Variants in PPP1R14C observed in about 807,000 individuals in gnomAD.
PPP1R14C encodes protein phosphatase 1 regulatory subunit 14C.
In PPP1R14C, 16 loss-of-function variants were observed where a neutral mutation model predicts 20.4. That is an observed-to-expected ratio of 0.78 (90% CI 0.53 to 1.19). The LOEUF is 1.19. Ranked by LOEUF, PPP1R14C falls within the 50% of genes most tolerant of loss-of-function variation. The pLI, the probability that PPP1R14C is intolerant of heterozygous loss-of-function variation, is 0.00. For missense variants in PPP1R14C, 211 were observed against 220.1 expected, an observed-to-expected ratio of 0.96 and a Z score of 0.26; for synonymous variants, 91 against 91.0, an observed-to-expected ratio of 1.00 and a Z score of 0.00.
chr6:150,153,057 G>A (rs1167131186), intron 1 of PPP1R14C, among the ~76,000 whole-genome samples: 1 of 152,204 alleles, frequency 6.6e-6, no homozygotes, highest in Non-Finnish European at 1.5e-5. Context: ...GATGGAAGAC[G>A]GCCACCTGTA....
chr6:150,147,687 T>C (rs183086325), intron 1 of PPP1R14C, among the ~76,000 whole-genome samples: 3 of 152,366 alleles, frequency 2.0e-5, no homozygotes, highest in African/African-American at 7.2e-5. Flanking sequence ...CGTAGCATCC[T>C]AGCCATAAAC....
At chr6:150,175,859 A>C (rs1419562860) in intron 1 of PPP1R14C, among the ~76,000 whole-genome samples, 1 of 152,180 alleles carries the variant, frequency 6.6e-6, no homozygotes, top group Non-Finnish European at 1.5e-5. Context: ...TGCAGTTTGA[A>C]CCACAAGCGC....
At chr6:150,152,459 C>T (rs182511936) in intron 1 of PPP1R14C, among the ~76,000 whole-genome samples, 5 of 152,324 alleles carry the variant, frequency 3.3e-5, no homozygotes, top group African/African-American at 1.2e-4. Flanking sequence ...GTGACCAGGG[C>T]TCAGGGGTTT....
At chr6:150,147,148 C>G (rs1346396264) in intron 1 of PPP1R14C, among the ~76,000 whole-genome samples, 1 of 132,934 alleles carries the variant, frequency 7.5e-6, no homozygotes, top group South Asian at 2.4e-4. Flanking sequence ...TTTTTAATCT[C>G]TTCCAAACCC....
At chr6:150,243,055 C>A (rs959632783) in intron 3 of PPP1R14C, among the ~76,000 whole-genome samples, 1 of 152,092 alleles carries the variant, frequency 6.6e-6, no homozygotes, top group African/African-American at 2.4e-5. Flanking sequence ...TAAATCATGT[C>A]CATGGGTGAG....
At chr6:150,145,517 A>G (rs1183878447) in intron 1 of PPP1R14C, among the ~76,000 whole-genome samples, 1 of 152,186 alleles carries the variant, frequency 6.6e-6, no homozygotes, top group Non-Finnish European at 1.5e-5. Flanking sequence ...TCCATTTAAT[A>G]ATAAAGAAAC....
At chr6:150,149,443 AT>A (rs1216146263) in intron 1 of PPP1R14C, among the ~76,000 whole-genome samples, 127 of 119,920 alleles carry the variant, frequency 1.1e-3, no homozygotes, top group Non-Finnish European at 1.6e-3. Context: ...CTCCCACCTA[AT>A]TTTTTTTTTT....
At chr6:150,194,674 T>C (rs1777782137) in intron 1 of PPP1R14C, 1 of 985,304 alleles carries the variant, frequency 1.0e-6, no homozygotes, top group Non-Finnish European at 1.2e-6. Context: ...GCACAAACAG[T>C]TCTGTCCTTG....
At chr6:150,227,132 C>T (rs762411100) in intron 3 of PPP1R14C, among the ~76,000 whole-genome samples, 5 of 152,192 alleles carry the variant, frequency 3.3e-5, no homozygotes, top group Non-Finnish European at 5.9e-5. Context: ...CATGGAAGTA[C>T]ATTCCTTCTG....
At chr6:150,225,236 G>T (rs553669639) in intron 3 of PPP1R14C, among the ~76,000 whole-genome samples, 1 of 152,162 alleles carries the variant, frequency 6.6e-6, no homozygotes, top group South Asian at 2.1e-4. Flanking sequence ...CGTCCTGCTG[G>T]AAGTTCAGGG....
At chr6:150,154,107 G>A (rs1777279573) in intron 1 of PPP1R14C, among the ~76,000 whole-genome samples, 2 of 152,214 alleles carry the variant, frequency 1.3e-5, no homozygotes, top group South Asian at 4.1e-4. Context: ...CATAGTGGCT[G>A]CATATTTCTT....
At chr6:150,238,970 G>A (rs984744501) in intron 3 of PPP1R14C, among the ~76,000 whole-genome samples, 17 of 151,960 alleles carry the variant, frequency 1.1e-4, no homozygotes, top group African/African-American at 3.1e-4. Context: ...GCGGTCGAGC[G>A]TAAGCAGTGT....
At chr6:150,247,224 C>A (rs532898297) in intron 3 of PPP1R14C, among the ~76,000 whole-genome samples, 6 of 152,284 alleles carry the variant, frequency 3.9e-5, no homozygotes, top group African/African-American at 1.2e-4. Context: ...GCTCCATGGA[C>A]AGCAAAGTTC....
chr6:150,185,660 C>T lies in PPP1R14C; in HGVS notation c.307-29084C>T, dbSNP rs1777668551. On this transcript the variant is annotated intron_variant, in intron 1 of 3. Transcript: ENST00000361131. The surrounding 1 kb of genome is among the most constrained non-coding windows in gnomAD (Gnocchi z 4.1). ...GGAAGCTGATGATCATTTATTATTC[C>T]AGCAAGCAGTGACAAATCAGCTCTG... is the stretch of plus-strand genomic sequence containing the variant. Among the ~76,000 whole-genome samples, 1 of 152,060 alleles carries T rather than the reference C, an allele frequency of 6.6e-6. No individual in the cohort carries two copies. The highest frequency in any genetic ancestry group is 2.1e-4 in the South Asian group (1 of 4,826).
chr6:150,150,473 G>A (rs551025614), intron 1 of PPP1R14C, among the ~76,000 whole-genome samples: 12 of 152,098 alleles, frequency 7.9e-5, no homozygotes, highest in South Asian at 4.2e-4. Context: ...TCTTCTGTTT[G>A]TCCTTTTCCT....
chr6:150,245,968 A>G (rs1168992431), intron 3 of PPP1R14C, among the ~76,000 whole-genome samples: 3 of 152,236 alleles, frequency 2.0e-5, no homozygotes, highest in Non-Finnish European at 4.4e-5. Flanking sequence ...TGTATAAATT[A>G]TGTTAATATA....
intron 3 of PPP1R14C, among the ~76,000 whole-genome samples, chr6:150,235,940 T>C (rs1778354411): frequency 6.6e-6 from 1 of 152,162 alleles, no homozygotes; most frequent in Non-Finnish European, 1.5e-5. Flanking sequence ...AATGAAAGGA[T>C]TGTTGTGTTT....
At chr6:150,175,131 T>C (rs1777547631) in intron 1 of PPP1R14C, among the ~76,000 whole-genome samples, 2 of 152,124 alleles carry the variant, frequency 1.3e-5, no homozygotes, top group South Asian at 4.1e-4. Context: ...GCTCACATAG[T>C]GCTTATTATG....
intron 3 of PPP1R14C, among the ~76,000 whole-genome samples, chr6:150,230,113 C>G (rs1296598528): frequency 6.6e-6 from 1 of 152,146 alleles, no homozygotes; most frequent in Admixed American, 6.5e-5. Context: ...TGGGTGAGGA[C>G]ATTTTGCCAT....
Sources: allele counts gnomAD v4.1 joint callset (sites outside exome capture counted in the v4.1 genomes callset), GRCh38; gene constraint gnomAD v4.1.1; non-coding constraint Gnocchi (gnomAD v3.1); transcripts MANE v1.5; gene names NCBI Gene and HGNC (gene_info 2026-07-23, HGNC 2026-07-21).